The following PLCB1 variants were observed in gnomAD, a reference collection of about 807,000 sequenced individuals.
The protein encoded by PLCB1 is phospholipase C beta 1, also known as 1-phosphatidylinositol 4,5-bisphosphate phosphodiesterase beta-1.
PLCB1 carries 46 observed loss-of-function variants against 161.8 expected under a neutral mutation model. The ratio of observed to expected loss-of-function variants is 0.28; its 90% CI spans 0.22 to 0.36. The LOEUF (loss-of-function observed/expected upper bound fraction) is 0.36. PLCB1 is among the 10% of genes least tolerant of loss of function. The pLI is 1.00. For synonymous variants in PLCB1, 517 were observed against 503.7 expected, an observed-to-expected ratio of 1.03 and a Z score of -0.35; for missense variants, 1,016 against 1,472.5, an observed-to-expected ratio of 0.69 and a Z score of 5.07.
At chr20:8,430,794 T>C (rs1211312726) in intron 3 of PLCB1, among the ~76,000 whole-genome samples, 1 of 152,022 alleles carries the variant, frequency 6.6e-6, no homozygotes, top group Non-Finnish European at 1.5e-5. Flanking sequence ...CCATCTCTAC[T>C]AAAAATTAAA....
At chr20:8,528,026 T>C (rs1984651691) in intron 3 of PLCB1, among the ~76,000 whole-genome samples, 1 of 152,078 alleles carries the variant, frequency 6.6e-6, no homozygotes, top group Admixed American at 6.6e-5. Context: ...AAATGTCTAA[T>C]AATGTGGTAA....
At chr20:8,231,519 G>A (rs1229593432) in intron 2 of PLCB1, among the ~76,000 whole-genome samples, 2 of 152,170 alleles carry the variant, frequency 1.3e-5, no homozygotes, top group African/African-American at 2.4e-5. Context: ...ATGGTACATA[G>A]GTCCTGCACA....
chr20:8,644,762 G>A (rs1275416467), intron 4 of PLCB1, among the ~76,000 whole-genome samples: 2 of 151,866 alleles, frequency 1.3e-5, no homozygotes, highest in East Asian at 2.0e-4. Flanking sequence ...GGGCGCCTCT[G>A]CCCGGCCGCC....
chr20:8,642,576 G>A (rs536063492), intron 4 of PLCB1, among the ~76,000 whole-genome samples: 3 of 152,198 alleles, frequency 2.0e-5, no homozygotes, highest in East Asian at 3.9e-4. Context: ...ATAGGAGTTT[G>A]CCAATAAATA....
intron 2 of PLCB1, among the ~76,000 whole-genome samples, chr20:8,217,797 G>A (rs1449883909): frequency 1.3e-5 from 2 of 152,092 alleles, no homozygotes; most frequent in Admixed American, 6.6e-5. Context: ...TTGCAGGAGT[G>A]GGATAGTTAT....
chr20:8,242,793 A>G (rs1980688572), intron 2 of PLCB1, among the ~76,000 whole-genome samples: 1 of 151,932 alleles, frequency 6.6e-6, no homozygotes, highest in Non-Finnish European at 1.5e-5. Flanking sequence ...GGACATAAAG[A>G]AAGGAGAAGG....
intron 3 of PLCB1, among the ~76,000 whole-genome samples, chr20:8,444,217 G>T (rs1241150732): frequency 6.6e-6 from 1 of 151,242 alleles, no homozygotes; most frequent in South Asian, 2.1e-4. Context: ...AGGCCGCGGT[G>T]TGTGATGTTC....
chr20:8,868,011 A>G (rs1987485666), intron 31 of PLCB1, among the ~76,000 whole-genome samples: 1 of 152,092 alleles, frequency 6.6e-6, no homozygotes, highest in South Asian at 2.1e-4. Flanking sequence ...TTCCTTGTTT[A>G]TTAGCAATTT....
At chr20:8,297,296 G>T (rs2745761) in intron 2 of PLCB1, among the ~76,000 whole-genome samples, 1 of 151,900 alleles carries the variant, frequency 6.6e-6, no homozygotes, top group African/African-American at 2.4e-5. Context: ...CCTAGTATGC[G>T]ACTATACCAC....
At chr20:8,558,266 AT>A (rs1414077368) in intron 3 of PLCB1, among the ~76,000 whole-genome samples, 1 of 151,974 alleles carries the variant, frequency 6.6e-6, no homozygotes, top group African/African-American at 2.4e-5. Flanking sequence ...CTGTATCAAA[AT>A]ATCTCATATA....
intron 3 of PLCB1, among the ~76,000 whole-genome samples, chr20:8,541,687 T>C (rs1697642053): frequency 6.6e-6 from 1 of 152,218 alleles, no homozygotes; most frequent in Non-Finnish European, 1.5e-5. Context: ...ACTTTTCTTT[T>C]GAATAATTTG....
chr20:8,376,756 G>A (rs567435153), intron 3 of PLCB1, among the ~76,000 whole-genome samples: 22 of 151,978 alleles, frequency 1.4e-4, no homozygotes, highest in Middle Eastern at 3.4e-3. Flanking sequence ...GTGAAACCCC[G>A]TCTCTACTAA....
intron 31 of PLCB1, among the ~76,000 whole-genome samples, chr20:8,791,752 C>T (rs1224662626): frequency 1.3e-5 from 2 of 151,910 alleles, no homozygotes; most frequent in South Asian, 4.1e-4. Context: ...CTCTCAGTAT[C>T]AGTAACCCAT....
chr20:8,394,352 G>A (rs1187648499), intron 3 of PLCB1, among the ~76,000 whole-genome samples: 1 of 152,188 alleles, frequency 6.6e-6, no homozygotes, highest in African/African-American at 2.4e-5. Context: ...TACTTAGGGA[G>A]CAATAACTTT....
intron 3 of PLCB1, among the ~76,000 whole-genome samples, chr20:8,403,407 A>C (rs2122482169): frequency 6.6e-6 from 1 of 152,262 alleles, no homozygotes; most frequent in African/African-American, 2.4e-5. Context: ...AAAAAACAAC[A>C]GGGAGTGTCC....
chr20:8,279,252 A>T (rs557410774), intron 2 of PLCB1, among the ~76,000 whole-genome samples: 1 of 152,204 alleles, frequency 6.6e-6, no homozygotes, highest in Non-Finnish European at 1.5e-5. Flanking sequence ...TGGAAACTCA[A>T]ATGTCCATCC....
chr20:8,717,761 G>A lies in PLCB1; in HGVS notation c.1426G>A (p.Gly476Arg). Reference sequence around the variant, plus strand: ...GAAGAAATCACACAAGTCATCAGAAGGAAGCGGCAAAAAGAAGCTCTCAGA... The same window carrying A: ...GAAGAAATCACACAAGTCATCAGAAAGAAGCGGCAAAAAGAAGCTCTCAGA... ...NKKKSHKSSE[G>R]SGKKKLSEQA... is the part of the protein sequence containing the mutation. The change falls in exon 14 of 32, where the codon GGA becomes AGA. Residue 476 changes from glycine (G) to arginine (R), a missense_variant. By Grantham distance (125) the Gly-to-Arg change is moderately radical (BLOSUM62 -2). This residue lies in a region of PLCB1 where 109 missense variants were observed against 129.7 expected (regional missense o/e 0.84). Coordinates refer to ENST00000338037, the MANE Select transcript of PLCB1 (RefSeq NM_015192.4). The A allele has an allele frequency of 6.2e-7, 1 of 1,613,976 alleles. No homozygotes were observed. Among genetic ancestry groups the A allele is most frequent in the Admixed American group, 1.7e-5 (1 of 60,012 alleles).
rs1170759765 is a variant in PLCB1, at chr20:8,270,729, T to TAA, written c.178-100652_178-100651insAA. On this transcript the variant is annotated intron_variant, in intron 2 of 31. Coordinates refer to ENST00000338037, the MANE Select transcript of PLCB1 (RefSeq NM_015192.4). ...TGGTATTTATTCTTTAGTGTGTGTT[T>TAA]ATCCTGCTGTCTGTGACTTAAATCC... 2.0e-5 allele frequency among the ~76,000 whole-genome samples: 3 copies of TAA among 152,190 alleles called. No individual in the cohort carries two copies. In the South Asian group the frequency reaches 6.2e-4, roughly 32 times the overall value.
intron 3 of PLCB1, among the ~76,000 whole-genome samples, chr20:8,432,564 C>T (rs563945154): frequency 1.4e-4 from 22 of 152,348 alleles, no homozygotes; most frequent in African/African-American, 5.0e-4. Flanking sequence ...CTATCCTTAG[C>T]AGATGCTAAA....
Sources: allele counts gnomAD v4.1 joint callset (sites outside exome capture counted in the v4.1 genomes callset), GRCh38; gene constraint gnomAD v4.1.1; regional missense constraint gnomAD v4.1.1; transcripts MANE v1.5; gene names NCBI Gene and HGNC (gene_info 2026-07-23, HGNC 2026-07-21).